Variants in LINGO2 observed in about 807,000 individuals in gnomAD.
LINGO2 encodes the protein leucine-rich repeat and immunoglobulin-like domain-containing nogo receptor-interacting protein 2.
A neutral mutation model predicts 30.6 loss-of-function variants in LINGO2; 14 were observed. The ratio of observed to expected loss-of-function variants is 0.46; its 90% CI spans 0.30 to 0.72. The LOEUF (loss-of-function observed/expected upper bound fraction) is 0.72, where lower values mean the gene tolerates loss of function less well. LINGO2 is among the 30% of genes least tolerant of loss of function. The probability of loss-of-function intolerance (pLI) is 0.07; values close to 1 mark genes in which losing one functional copy is unlikely to be tolerated. For synonymous variants in LINGO2, 317 were observed against 288.5 expected, an observed-to-expected ratio of 1.10 and a Z score of -1.00; for missense variants, 729 against 751.7, an observed-to-expected ratio of 0.97 and a Z score of 0.35.
the LINGO2 span, among the ~76,000 whole-genome samples, chr9:28,813,986 A>G: frequency 0.028 from 4,321 of 152,246 alleles, 180 homozygotes; most frequent in African/African-American, 0.098. Context: ...AGCAGAAGAC[A>G]GATTTAGAGG....
intron 1 of LINGO2, among the ~76,000 whole-genome samples, chr9:28,477,675 C>T (rs1825783574): frequency 6.6e-6 from 1 of 152,158 alleles, no homozygotes; most frequent in South Asian, 2.1e-4. Context: ...AAGCTACCAT[C>T]ATCTATCCCT....
the LINGO2 span, chr9:28,888,944 G>A: frequency 1.9e-6 from 1 of 532,230 alleles, no homozygotes; most frequent in Middle Eastern, 3.2e-4. Context: ...ACAAGTTCCT[G>A]CAAATGCACA....
At chr9:28,995,689 C>A in the LINGO2 span, among the ~76,000 whole-genome samples, 2 of 152,062 alleles carry the variant, frequency 1.3e-5, no homozygotes, top group Non-Finnish European at 2.9e-5. Context: ...ACTATGCAGC[C>A]ATAAAAAATG....
the LINGO2 span, among the ~76,000 whole-genome samples, chr9:28,981,734 C>CT: frequency 6.6e-6 from 1 of 152,120 alleles, no homozygotes; most frequent in Non-Finnish European, 1.5e-5. Context: ...ATGAATGGTA[C>CT]TTGCAAGGAC....
chr9:28,265,159 CACA>C, intron 4 of LINGO2, among the ~76,000 whole-genome samples: 1 of 148,146 alleles, frequency 6.8e-6, no homozygotes, highest in Non-Finnish European at 1.5e-5. Context: ...TGTGTATATA[CACA>C]ACAACACAAC....
the LINGO2 span, among the ~76,000 whole-genome samples, chr9:28,848,292 T>C: frequency 8.1e-6 from 1 of 123,200 alleles, no homozygotes; most frequent in African/African-American, 3.5e-5. Context: ...ACTATGCATA[T>C]ATATATACTA....
chr9:28,826,908 C>T, the LINGO2 span, among the ~76,000 whole-genome samples: 2 of 152,068 alleles, frequency 1.3e-5, no homozygotes, highest in African/African-American at 4.8e-5. Flanking sequence ...TAGAGTTTTC[C>T]TCCATTGAAA....
chr9:28,814,089 T>C, the LINGO2 span, among the ~76,000 whole-genome samples: 1 of 152,184 alleles, frequency 6.6e-6, no homozygotes, highest in Non-Finnish European at 1.5e-5. Context: ...CAAGCCTATA[T>C]GGCACATGAG....
At chr9:27,949,150 A>G in exon 6 of LINGO2, 1 of 1,614,136 alleles carries the variant, frequency 6.2e-7, no homozygotes, top group African/African-American at 1.3e-5. Context: ...GCATAAAGAA[A>G]ACGATCTGAA....
the LINGO2 span, among the ~76,000 whole-genome samples, chr9:28,929,892 G>A: frequency 6.6e-6 from 1 of 152,122 alleles, no homozygotes; most frequent in East Asian, 1.9e-4. Flanking sequence ...TTAATGGATA[G>A]ATGTCTGATC....
intron 4 of LINGO2, among the ~76,000 whole-genome samples, chr9:28,030,610 T>A (rs575118713): frequency 6.6e-6 from 1 of 152,338 alleles, no homozygotes; most frequent in Admixed American, 6.5e-5. Context: ...AGATATTAAG[T>A]GTCTGCTCCA....
At chr9:28,601,468 G>A (rs139067839) in intron 1 of LINGO2, among the ~76,000 whole-genome samples, 98 of 152,170 alleles carry the variant, frequency 6.4e-4, no homozygotes, top group Non-Finnish European at 1.0e-3. Context: ...ATGAAGGGGG[G>A]ACTGGAGGAC....
chr9:28,326,136 A>C (rs532397650), intron 3 of LINGO2, among the ~76,000 whole-genome samples: 1 of 152,278 alleles, frequency 6.6e-6, no homozygotes, highest in African/African-American at 2.4e-5. Flanking sequence ...CCTCCCGAGT[A>C]GCTGGAATCA....
chr9:28,937,654 C>T, the LINGO2 span, among the ~76,000 whole-genome samples: 1 of 152,136 alleles, frequency 6.6e-6, no homozygotes, highest in African/African-American at 2.4e-5. Context: ...CAGCCTCATC[C>T]TCTGAAACCA....
chr9:28,181,093 C>G (rs1476453191), intron 4 of LINGO2, among the ~76,000 whole-genome samples: 1 of 152,068 alleles, frequency 6.6e-6, no homozygotes, highest in Non-Finnish European at 1.5e-5. Flanking sequence ...TAAGCTGTTA[C>G]AGCTGGCCAA....
the LINGO2 span, among the ~76,000 whole-genome samples, chr9:29,103,779 T>G: frequency 1.3e-5 from 2 of 152,148 alleles, no homozygotes; most frequent in South Asian, 4.1e-4. Flanking sequence ...CCACATTTCA[T>G]GGTCAATTTT....
the LINGO2 span, among the ~76,000 whole-genome samples, chr9:28,750,604 T>C: frequency 6.6e-6 from 1 of 152,012 alleles, no homozygotes; most frequent in Non-Finnish European, 1.5e-5. Context: ...AGAGCAATAA[T>C]TTATACTTGA....
At chr9:29,166,510 C>G in the LINGO2 span, among the ~76,000 whole-genome samples, 1 of 152,098 alleles carries the variant, frequency 6.6e-6, no homozygotes, top group Non-Finnish European at 1.5e-5. Flanking sequence ...GTCTAGTCAG[C>G]TCATCATCTT....
chr9:28,236,540 T>C (rs1354866344), intron 4 of LINGO2, among the ~76,000 whole-genome samples: 1 of 152,140 alleles, frequency 6.6e-6, no homozygotes, highest in African/African-American at 2.4e-5. Context: ...AGACAGTACA[T>C]ATTCAGCCAT....
Sources: allele counts gnomAD v4.1 joint callset (sites outside exome capture counted in the v4.1 genomes callset), GRCh38; gene constraint gnomAD v4.1.1; transcripts MANE v1.5; gene names NCBI Gene and HGNC (gene_info 2026-07-23, HGNC 2026-07-21).